ASPHD1: variants seen among roughly 807,000 people sequenced by gnomAD.
The protein encoded by ASPHD1 is aspartate beta-hydroxylase domain-containing protein 1.
A neutral mutation model predicts 28.3 loss-of-function variants in ASPHD1; 20 were observed. The observed-to-expected ratio is 0.71, with a 90% CI of 0.50 to 1.03. The LOEUF (loss-of-function observed/expected upper bound fraction) is 1.03, where lower values mean the gene tolerates loss of function less well. Ranked by LOEUF, ASPHD1 falls within the 50% of genes least tolerant of loss-of-function variation. The probability of loss-of-function intolerance (pLI) is 0.00; values close to 1 mark genes in which losing one functional copy is unlikely to be tolerated. For missense variants in ASPHD1, 479 were observed against 524.1 expected, an observed-to-expected ratio of 0.91 and a Z score of 0.84; for synonymous variants, 240 against 221.2, an observed-to-expected ratio of 1.08 and a Z score of -0.75.
downstream of ASPHD1, among the ~76,000 whole-genome samples, chr16:29,907,475 C>T (rs1242730165): frequency 1.3e-5 from 2 of 152,114 alleles, no homozygotes; most frequent in Admixed American, 6.6e-5. Context: ...AGTGGGAGGA[C>T]TCAGTCATAC....
At position 29,904,889 on chromosome 16, in the gene ASPHD1, C is replaced by T. The variant is rs142923854; in HGVS notation, c.987C>T (p.Gly329=). 1.7e-4 allele frequency: 279 copies of T among 1,612,982 alleles called. No individual in the cohort carries two copies. The African/African-American group carries it at 3.1e-3, about 18-fold the overall frequency. ...CTCCTGGCTGTGAGCTGGTGGTCGG[C>T]GGTGAGCCCCAGTGCTGGGCTGAGG... ...KIPPGCELVV[G]GEPQCWAEGH... Residue 329 remains glycine (G), a synonymous_variant, in exon 2 of 3, where the codon GGC becomes GGT. Coordinates refer to ENST00000308748, the MANE Select transcript of ASPHD1 (RefSeq NM_181718.4).
downstream of ASPHD1, among the ~76,000 whole-genome samples, chr16:29,909,958 G>A (rs1206156974): frequency 2.0e-5 from 3 of 151,912 alleles, no homozygotes; most frequent in Non-Finnish European, 4.4e-5. Context: ...AATTAGCCGG[G>A]CATGGAGGCG....
intron 3 of ASPHD1, among the ~76,000 whole-genome samples, chr16:29,918,339 C>A (rs1364982850): frequency 6.6e-6 from 1 of 152,170 alleles, no homozygotes; most frequent in Non-Finnish European, 1.5e-5. Context: ...CAATTATGAA[C>A]GTCATTAATG....
chr16:29,911,654 G>T, intron 3 of ASPHD1: 1 of 671,610 alleles, frequency 1.5e-6, no homozygotes, highest in Non-Finnish European at 2.6e-6. Flanking sequence ...AAGCAGAAAG[G>T]ACCTGCCTAG....
chr16:29,902,826 T>G (rs1440864883), intron 1 of ASPHD1, among the ~76,000 whole-genome samples: 1 of 151,812 alleles, frequency 6.6e-6, no homozygotes, highest in Non-Finnish European at 1.5e-5. Context: ...TACACCTTCT[T>G]TTTTAAAAGG....
intron 1 of ASPHD1, among the ~76,000 whole-genome samples, chr16:29,902,773 C>T (rs1359234754): frequency 6.6e-6 from 1 of 152,086 alleles, no homozygotes; most frequent in African/African-American, 2.4e-5. Context: ...CCTCGGCCTC[C>T]CAAAGTGCTG....
chr16:29,910,201 C>A (rs2068682020), downstream of ASPHD1, among the ~76,000 whole-genome samples: 1 of 151,224 alleles, frequency 6.6e-6, no homozygotes, highest in Non-Finnish European at 1.5e-5. Context: ...AGATTGAGAC[C>A]ATCCTGGCCA....
chr16:29,912,779 T>C (rs2068739684), intron 3 of ASPHD1, among the ~76,000 whole-genome samples: 2 of 152,242 alleles, frequency 1.3e-5, no homozygotes, highest in East Asian at 1.9e-4. Context: ...TGTCTGACTT[T>C]TTCTAACTTT....
At chr16:29,918,278 AAATGTAAC>A (rs2068844087) in intron 3 of ASPHD1, among the ~76,000 whole-genome samples, 1 of 152,210 alleles carries the variant, frequency 6.6e-6, no homozygotes, top group Non-Finnish European at 1.5e-5. Context: ...AGCAACAAGG[AAATGTAAC>A]AATGATAGAG....
Position 29,905,803 on chromosome 16 carries a change from G to A in ASPHD1, c.1079G>A (p.Gly360Glu), listed in dbSNP as rs200369849. Reference sequence around the variant, plus strand: ...TGTGCCCTAGGCTCCCCCGAAGATGGGCCTCGAGTGGTCTTCATCGTGGAC... The same window carrying A: ...TGTGCCCTAGGCTCCCCCGAAGATGAGCCTCGAGTGGTCTTCATCGTGGAC... ...TVAHNGSPED[G>E]PRVVFIVDLW... The change falls in exon 3 of 3, where the codon GGG becomes GAG. Residue 360 changes from glycine to glutamate, a missense_variant. Transcript: ENST00000308748. The A allele has an allele frequency of 3.7e-5, 59 of 1,613,788 alleles. No individual in the cohort carries two copies. The Admixed American group carries it at 6.3e-4, about 17-fold the overall frequency.
At chr16:29,917,328 T>C (rs2068827211) in intron 3 of ASPHD1, among the ~76,000 whole-genome samples, 2 of 152,072 alleles carry the variant, frequency 1.3e-5, no homozygotes, top group Admixed American at 6.6e-5. Context: ...TAGATTAAAA[T>C]ACCCATATAT....
At chr16:29,913,831 T>C (rs1023365012) in intron 3 of ASPHD1, 1 of 152,222 alleles carries the variant, frequency 6.6e-6, no homozygotes, top group Non-Finnish European at 1.5e-5. Flanking sequence ...GGAAGCCTCA[T>C]TGTCTTTTTT....
In ASPHD1 at chr16:29,901,114, G is replaced by A. The variant is rs2068537988; in HGVS notation, c.143G>A (p.Gly48Glu). 3 of 1,608,812 alleles carry A rather than the reference G, an allele frequency of 1.9e-6. No individual in the cohort carries two copies. Among genetic ancestry groups the A allele is most frequent in the Non-Finnish European group, 2.5e-6 (3 of 1,177,498 alleles). ...AMEGTGGELGGQGNWGPEDAP... is the reference protein window; with the variant it reads ...AMEGTGGELGEQGNWGPEDAP... ...GAAGGGACAGGTGGGGAGCTGGGGGGACAGGGGAACTGGGGTCCGGAGGAC... is the reference window on the plus strand; with the variant it reads ...GAAGGGACAGGTGGGGAGCTGGGGGAACAGGGGAACTGGGGTCCGGAGGAC... Residue 48 changes from glycine (G) to glutamate (E), a missense_variant, in exon 1 of 3, where the codon GGA becomes GAA. Transcript: ENST00000308748. This position sits in a 1 kb window ranked among gnomAD's most constrained non-coding sequence, Gnocchi z 5.1.
chr16:29,913,236 A>T (rs2068748233), intron 3 of ASPHD1: 1 of 151,634 alleles, frequency 6.6e-6, no homozygotes, highest in African/African-American at 2.4e-5. Context: ...CATCCTCCCA[A>T]ACTTAGGTCA....
chr16:29,901,177 T>G lies in ASPHD1; in HGVS notation c.206T>G (p.Leu69Arg). Residue 69 changes from leucine to arginine, a missense_variant, in exon 1 of 3, where the codon CTC (leucine) becomes CGC (arginine). By Grantham distance (102) the Leu-to-Arg change is moderately radical (BLOSUM62 -2). Transcript: ENST00000308748. The surrounding 1 kb of genome is among the most constrained non-coding windows in gnomAD (Gnocchi z 5.1). ...TTGGCCAGGGCCTCCCTGATCATGCTCCCGTGGCCACTACCCCTGGCCTCC... is the reference window on the plus strand; with the variant it reads ...TTGGCCAGGGCCTCCCTGATCATGCGCCCGTGGCCACTACCCCTGGCCTCC... ...GLLARASLIM[L>R]PWPLPLASSA... 6.2e-7 allele frequency: 1 copy of G among 1,612,844 alleles called. No individual in the cohort carries two copies. The highest frequency in any genetic ancestry group is 1.1e-5 in the South Asian group (1 of 91,016).
At chr16:29,911,110 G>A (rs1442895308) in intron 3 of ASPHD1, 12 of 1,614,060 alleles carry the variant, frequency 7.4e-6, no homozygotes, top group South Asian at 1.1e-5. Flanking sequence ...GTAGCCGCCC[G>A]TGGAAGCGCA....
chr16:29,911,746 G>A (rs180736395), intron 3 of ASPHD1: 864 of 1,563,490 alleles, frequency 5.5e-4, no homozygotes, highest in Non-Finnish European at 7.2e-4. Flanking sequence ...CGTGGCCCTC[G>A]CCTTGGGCAG....
downstream of ASPHD1, among the ~76,000 whole-genome samples, chr16:29,910,439 T>C (rs776239558): frequency 6.6e-6 from 1 of 151,868 alleles, no homozygotes; most frequent in Non-Finnish European, 1.5e-5. Flanking sequence ...ATTACTGGGC[T>C]CAAGCAATCC....
chr16:29,914,193 AG>A (rs1353833615), intron 3 of ASPHD1: 1 of 152,162 alleles, frequency 6.6e-6, no homozygotes, highest in Non-Finnish European at 1.5e-5. Flanking sequence ...GATGACACAC[AG>A]GAACGAGCAC....
Sources: allele counts gnomAD v4.1 joint callset (sites outside exome capture counted in the v4.1 genomes callset), GRCh38; gene constraint gnomAD v4.1.1; non-coding constraint Gnocchi (gnomAD v3.1); transcripts MANE v1.5; gene names NCBI Gene and HGNC (gene_info 2026-07-23, HGNC 2026-07-21).